The following SULF1 variants were observed in gnomAD, a reference collection of about 807,000 sequenced individuals.
SULF1 encodes sulfatase 1.
SULF1 carries 46 observed loss-of-function variants against 110.5 expected under a neutral mutation model. That is an observed-to-expected ratio of 0.42 (90% confidence interval 0.33 to 0.53). The LOEUF (loss-of-function observed/expected upper bound fraction) is 0.53, where lower values mean the gene tolerates loss of function less well. Among genes scored for constraint, SULF1 ranks in the 20% least tolerant of loss-of-function variants. The pLI, the probability that SULF1 is intolerant of heterozygous loss-of-function variation, is 0.12. For missense variants in SULF1, 941 were observed against 1,094.2 expected, an observed-to-expected ratio of 0.86 and a Z score of 1.98; for synonymous variants, 371 against 387.1, an observed-to-expected ratio of 0.96 and a Z score of 0.49.
chr8:69,535,203 C>G (rs1463546520), intron 3 of SULF1, among the ~76,000 whole-genome samples: 1 of 152,180 alleles, frequency 6.6e-6, no homozygotes, highest in East Asian at 1.9e-4. Context: ...CATATTTAGG[C>G]ATGTTTAGGC....
chr8:69,512,331 G>C (rs1165021048), intron 3 of SULF1, among the ~76,000 whole-genome samples: 1 of 152,178 alleles, frequency 6.6e-6, no homozygotes, highest in African/African-American at 2.4e-5. Flanking sequence ...TCTACCAAGT[G>C]AAAGTTAAAG....
chr8:69,488,584 T>C (rs1809792697), upstream of SULF1, among the ~76,000 whole-genome samples: 1 of 151,826 alleles, frequency 6.6e-6, no homozygotes, highest in South Asian at 2.1e-4. Flanking sequence ...TTGGCACTAG[T>C]TCTCGGTGAA....
chr8:69,522,053 C>T (rs776591856), intron 3 of SULF1, among the ~76,000 whole-genome samples: 47 of 148,482 alleles, frequency 3.2e-4, no homozygotes, highest in African/African-American at 5.6e-4. Flanking sequence ...GGATCATGGA[C>T]GATTTTTTTT....
intron 3 of SULF1, among the ~76,000 whole-genome samples, chr8:69,534,298 A>G (rs4737984): frequency 0.093 from 14,102 of 152,260 alleles, 1,259 homozygotes; most frequent in East Asian, 0.41. Flanking sequence ...TTAATATAAT[A>G]TTACATCTTT....
At chr8:69,653,403 T>C (rs1243461959) in intron 22 of SULF1, among the ~76,000 whole-genome samples, 1 of 152,228 alleles carries the variant, frequency 6.6e-6, no homozygotes, top group East Asian at 1.9e-4. Flanking sequence ...ATTTTTAAAA[T>C]ATTTACCAGT....
rs1336484145 is a variant in SULF1, at chr8:69,603,172, C to T, written c.1062-20C>T. On this transcript the variant is annotated intron_variant, in intron 10 of 22. Coordinates refer to ENST00000402687, the MANE Select transcript of SULF1 (RefSeq NM_001128205.2). ...TCCCCTGGCATTGGATCTCAGCCAT[C>T]ACCGTGTGCCCCTTTACAGAGTCCC... 1 of 1,613,646 alleles carries T rather than the reference C, an allele frequency of 6.2e-7. No homozygotes were observed. The highest frequency in any genetic ancestry group is 8.5e-7 in the Non-Finnish European group (1 of 1,179,630).
rs138106185 is a variant in SULF1, at chr8:69,583,611, A to G, written c.413-2746A>G. Among the ~76,000 whole-genome samples the G allele has an allele frequency of 4.1e-4, 62 of 152,192 alleles. No homozygotes were observed. In the East Asian group the frequency reaches 0.012, roughly 29 times the overall value. The stretch of plus-strand genomic sequence containing the variant: ...AAGATAATTCAAGCAAAATCACAAA[A>G]TTTTTAAAGTCTAGACCTCGTAAAG... On this transcript the variant is annotated intron_variant, in intron 6 of 22. Coordinates refer to ENST00000402687, the MANE Select transcript of SULF1 (RefSeq NM_001128205.2).
In SULF1 at chr8:69,586,563, A is replaced by G. The variant is rs571864043; in HGVS notation, c.564+55A>G. On this transcript the variant is annotated intron_variant, in intron 7 of 22. Transcript: ENST00000402687. ...AATTTACTTTGTGCATAATGGGGAAAAGCCATTTTCAGTGAGTTAAACTAT... is the reference window on the plus strand; with the variant it reads ...AATTTACTTTGTGCATAATGGGGAAGAGCCATTTTCAGTGAGTTAAACTAT... 7.7e-6 allele frequency: 12 copies of G among 1,566,144 alleles called. No individual in the cohort carries two copies. In the South Asian group the frequency reaches 1.2e-4, roughly 15 times the overall value.
intron 3 of SULF1, among the ~76,000 whole-genome samples, chr8:69,549,039 T>C (rs1814502342): frequency 6.6e-6 from 1 of 152,178 alleles, no homozygotes; most frequent in Admixed American, 6.5e-5. Context: ...TATGGCTTGC[T>C]TTAGCCAATG....
At chr8:69,481,858 C>T (rs1352479558) in intron 1 of SULF1, among the ~76,000 whole-genome samples, 2 of 152,154 alleles carry the variant, frequency 1.3e-5, no homozygotes, top group Admixed American at 1.3e-4. Flanking sequence ...TTCTATAAAA[C>T]AGTGCTTCCC....
chr8:69,590,456 C>T (rs1465066521), intron 8 of SULF1, among the ~76,000 whole-genome samples: 2 of 152,186 alleles, frequency 1.3e-5, no homozygotes, highest in Non-Finnish European at 2.9e-5. Flanking sequence ...TGAGCCACCG[C>T]ACCCAGCCTT....
intron 13 of SULF1, among the ~76,000 whole-genome samples, chr8:69,608,937 A>C (rs1051942502): frequency 6.6e-6 from 1 of 152,068 alleles, no homozygotes; most frequent in African/African-American, 2.4e-5. Flanking sequence ...ACACCATCAC[A>C]CACATGCACA....
upstream of SULF1, among the ~76,000 whole-genome samples, chr8:69,492,601 C>G (rs1809999998): frequency 1.3e-5 from 2 of 152,186 alleles, no homozygotes. Context: ...CTGCCCGCCG[C>G]CGTCCAAGCC....
chr8:69,554,304 G>A (rs1814932591), intron 3 of SULF1, among the ~76,000 whole-genome samples: 1 of 152,198 alleles, frequency 6.6e-6, no homozygotes, highest in Non-Finnish European at 1.5e-5. Flanking sequence ...ACTCCACAGT[G>A]ACAGTAAGTG....
intron 1 of SULF1, among the ~76,000 whole-genome samples, chr8:69,495,312 G>T (rs1181180253): frequency 6.6e-6 from 1 of 152,000 alleles, no homozygotes; most frequent in African/African-American, 2.4e-5. Context: ...GAGCCCAGAG[G>T]TTCAAGGCTA....
At chr8:69,559,493 A>G (rs937359627) in intron 3 of SULF1, among the ~76,000 whole-genome samples, 2 of 152,232 alleles carry the variant, frequency 1.3e-5, no homozygotes, top group Non-Finnish European at 2.9e-5. Flanking sequence ...TGTAGTATAC[A>G]AGTTTTCCAG....
At chr8:69,554,836 A>C (rs893687050) in intron 3 of SULF1, among the ~76,000 whole-genome samples, 1 of 151,902 alleles carries the variant, frequency 6.6e-6, no homozygotes, top group African/African-American at 2.4e-5. Context: ...AAAATTAGCC[A>C]GGCGTGGTGG....
At chr8:69,500,311 T>A (rs184051646) in intron 2 of SULF1, among the ~76,000 whole-genome samples, 4 of 152,294 alleles carry the variant, frequency 2.6e-5, no homozygotes, top group Admixed American at 1.3e-4. Flanking sequence ...ATGGGGTAGA[T>A]ACCATTTTAA....
intron 19 of SULF1, 140 bp downstream of exon 19, chr8:69,629,819 C>G (rs1810381550): frequency 1.3e-6 from 1 of 769,808 alleles, no homozygotes; most frequent in Admixed American, 2.8e-5. Context: ...ATACTGGAAA[C>G]TCAAATGATT....
Sources: allele counts gnomAD v4.1 joint callset (sites outside exome capture counted in the v4.1 genomes callset), GRCh38; gene constraint gnomAD v4.1.1; transcripts MANE v1.5; gene names NCBI Gene and HGNC (gene_info 2026-07-23, HGNC 2026-07-21).